The following STPG2 variants were observed in gnomAD, a reference collection of about 807,000 sequenced individuals.
The protein encoded by STPG2 is sperm-tail PG-rich repeat-containing protein 2.
Under a neutral mutation model 54.2 loss-of-function variants are expected in STPG2, and 56 were observed. The ratio of observed to expected loss-of-function variants is 1.03; its 90% confidence interval spans 0.83 to 1.29. The LOEUF (loss-of-function observed/expected upper bound fraction) is 1.29. Ranked by LOEUF, STPG2 falls within the 50% of genes most tolerant of loss-of-function variation. The pLI, the probability that STPG2 is intolerant of heterozygous loss-of-function variation, is 0.00. For synonymous variants in STPG2, 200 were observed against 181.8 expected (o/e 1.10, Z -0.81); for missense variants, 596 against 544.9 (o/e 1.09, Z -0.93).
At chr4:98,087,183 T>C (rs537876160) in intron 5 of STPG2, among the ~76,000 whole-genome samples, 56 of 152,284 alleles carry the variant, frequency 3.7e-4, no homozygotes, top group African/African-American at 1.3e-3. Flanking sequence ...GAATACAGGT[T>C]CCTGCTACCC....
intron 1 of STPG2, among the ~76,000 whole-genome samples, chr4:98,142,772 A>C (rs754783453): frequency 6.6e-6 from 1 of 152,210 alleles, no homozygotes; most frequent in South Asian, 2.1e-4. Context: ...TCCTAGACCT[A>C]AACTGCACAA....
At chr4:97,442,104 T>C (rs1578300601) in intron 4 of STPG2, among the ~76,000 whole-genome samples, 2 of 152,092 alleles carry the variant, frequency 1.3e-5, no homozygotes, top group Non-Finnish European at 2.9e-5. Context: ...AAATATTTTA[T>C]GTTGATGTCC....
At chr4:97,453,478 G>A (rs745453412) in intron 4 of STPG2, among the ~76,000 whole-genome samples, 12 of 152,044 alleles carry the variant, frequency 7.9e-5, no homozygotes, top group African/African-American at 2.2e-4. Flanking sequence ...AGCAAAACTC[G>A]GGCAAAGGCA....
At chr4:97,936,067 T>A (rs1732735366) in intron 8 of STPG2, among the ~76,000 whole-genome samples, 1 of 152,230 alleles carries the variant, frequency 6.6e-6, no homozygotes, top group South Asian at 2.1e-4. Flanking sequence ...TGCTCCTGTA[T>A]TGGGTGCATA....
intron 9 of STPG2, among the ~76,000 whole-genome samples, chr4:97,747,600 T>A (rs1246164506): frequency 6.6e-6 from 1 of 151,350 alleles, no homozygotes. Context: ...TTTATTGGGA[T>A]CAGTTTCATA....
intron 6 of STPG2, among the ~76,000 whole-genome samples, chr4:97,973,972 T>C (rs1006298964): frequency 2.0e-5 from 3 of 152,116 alleles, no homozygotes; most frequent in Non-Finnish European, 2.9e-5. Flanking sequence ...AACCCCAGAA[T>C]TGTAGATCCA....
intron 9 of STPG2, among the ~76,000 whole-genome samples, chr4:97,766,248 T>C (rs1726046751): frequency 6.6e-6 from 1 of 152,140 alleles, no homozygotes; most frequent in South Asian, 2.1e-4. Flanking sequence ...CTGTTCTTGT[T>C]CAACCATTGT....
chr4:97,826,605 G>A (rs185172093), intron 9 of STPG2, among the ~76,000 whole-genome samples: 41 of 152,188 alleles, frequency 2.7e-4, no homozygotes, highest in African/African-American at 8.4e-4. Flanking sequence ...TATATTTGTC[G>A]ACAAGGTTTT....
intron 5 of STPG2, chr4:98,025,870 C>A: frequency 1.3e-6 from 2 of 1,598,394 alleles, no homozygotes; most frequent in Non-Finnish European, 1.7e-6. Flanking sequence ...TTTTTGGCAC[C>A]CTGAAGGGAG....
chr4:97,503,353 C>T (rs544133629), intron 4 of STPG2, among the ~76,000 whole-genome samples: 84 of 151,776 alleles, frequency 5.5e-4, no homozygotes, highest in South Asian at 3.1e-3. Context: ...GTGAGAAGAC[C>T]GCATAGTTTA....
At chr4:97,871,955 G>A (rs2149155257) in intron 8 of STPG2, among the ~76,000 whole-genome samples, 1 of 150,722 alleles carries the variant, frequency 6.6e-6, no homozygotes, top group East Asian at 1.9e-4. Context: ...TGAACAAATG[G>A]GGCTTATTCT....
chr4:97,662,399 A>G (rs1722399007), intron 10 of STPG2, among the ~76,000 whole-genome samples: 1 of 152,188 alleles, frequency 6.6e-6, no homozygotes, highest in African/African-American at 2.4e-5. Flanking sequence ...GAGGTTGCAA[A>G]AAGGAATGCT....
intron 9 of STPG2, among the ~76,000 whole-genome samples, chr4:97,726,715 A>G (rs1469566956): frequency 6.6e-6 from 1 of 151,822 alleles, no homozygotes; most frequent in Non-Finnish European, 1.5e-5. Context: ...GGGACTTTGA[A>G]TTAATAAGGA....
chr4:97,914,690 T>C (rs894719767), intron 8 of STPG2, among the ~76,000 whole-genome samples: 1 of 152,182 alleles, frequency 6.6e-6, no homozygotes, highest in Non-Finnish European at 1.5e-5. Flanking sequence ...ACTTCAGATT[T>C]TTTTGGAGTT....
intron 5 of STPG2, among the ~76,000 whole-genome samples, chr4:97,994,884 C>T (rs1220940367): frequency 1.3e-5 from 2 of 152,082 alleles, no homozygotes; most frequent in Non-Finnish European, 2.9e-5. Flanking sequence ...TGTCCTTTGT[C>T]TTCAGCTACA....
intron 9 of STPG2, among the ~76,000 whole-genome samples, chr4:97,834,570 A>G (rs1439078862): frequency 1.3e-5 from 2 of 152,086 alleles, no homozygotes; most frequent in African/African-American, 2.4e-5. Flanking sequence ...TAATAAAGCA[A>G]ATTGGTCGTA....
intron 8 of STPG2, among the ~76,000 whole-genome samples, chr4:97,907,726 C>T (rs1355140425): frequency 6.6e-6 from 1 of 152,110 alleles, no homozygotes; most frequent in Non-Finnish European, 1.5e-5. Flanking sequence ...TATCTACAAC[C>T]ATCTGATCTT....
rs183901438 is a variant in STPG2, at chr4:97,887,108, G to T, written c.1045-46176C>A. On this transcript the variant is annotated intron_variant, in intron 8 of 10. Coordinates refer to ENST00000295268, the MANE Select transcript of STPG2 (RefSeq NM_174952.3). ...TTTCTTTATAAACTACTCAGTTTCAGGTATTTCTTCATAGCAATGCAAGAA... is the reference window on the plus strand; with the variant it reads ...TTTCTTTATAAACTACTCAGTTTCATGTATTTCTTCATAGCAATGCAAGAA... 6.6e-4 allele frequency among the ~76,000 whole-genome samples: 101 copies of T among 152,214 alleles called. 1 individual carries two copies. The highest frequency in any genetic ancestry group is 8.3e-4 in the South Asian group (4 of 4,830).
chr4:98,023,258 C>T (rs928299181), intron 5 of STPG2, among the ~76,000 whole-genome samples: 6 of 152,190 alleles, frequency 3.9e-5, no homozygotes, highest in Admixed American at 6.5e-5. Flanking sequence ...AGCTGCAGGT[C>T]TGTTGGAGTT....
Sources: allele counts gnomAD v4.1 joint callset (sites outside exome capture counted in the v4.1 genomes callset), GRCh38; gene constraint gnomAD v4.1.1; transcripts MANE v1.5; gene names NCBI Gene and HGNC (gene_info 2026-07-23, HGNC 2026-07-21).